The following KCNH6 variants were observed in gnomAD, a reference collection of about 807,000 sequenced individuals.
The protein encoded by KCNH6 is potassium voltage-gated channel subfamily H member 6, also known as voltage-gated inwardly rectifying potassium channel KCNH6.
In KCNH6, 81 loss-of-function variants were observed where a neutral mutation model predicts 83.4. The ratio of observed to expected loss-of-function variants is 0.97; its 90% CI spans 0.81 to 1.17. The LOEUF (loss-of-function observed/expected upper bound fraction) is 1.17. KCNH6 is among the 50% of genes most tolerant of loss of function. The probability of loss-of-function intolerance (pLI) is 0.00; values close to 1 mark genes in which losing one functional copy is unlikely to be tolerated. For missense variants in KCNH6, 1,203 were observed against 1,290.5 expected (o/e 0.93, Z 1.04); for synonymous variants, 503 against 545.6 (o/e 0.92, Z 1.09).
chr17:63,534,635 G>A lies in KCNH6; in HGVS notation c.1101+324G>A, dbSNP rs112220747. Among the ~76,000 whole-genome samples the A allele has an allele frequency of 5.2e-3, 786 of 152,150 alleles. 7 individuals are homozygous for A. Among genetic ancestry groups the A allele is most frequent in the African/African-American group, 0.018 (756 of 41,488 alleles). On this transcript the variant is annotated intron_variant, in intron 5 of 12. Coordinates refer to ENST00000314672, the MANE Select transcript of KCNH6 (RefSeq NM_001278919.2). The surrounding 1 kb of genome is among the most constrained non-coding windows in gnomAD (Gnocchi z 5.0). ...ACTTCCAAACTGCACTCACCCTGGA[G>A]GAAGAAAGGGATCCCCAGGCCACTC...
At position 63,538,793 on chromosome 17, in the gene KCNH6, T is replaced by A; in HGVS notation, c.1954+131T>A. 3 of 961,792 alleles carry A rather than the reference T, an allele frequency of 3.1e-6. No homozygotes were observed. The highest frequency in any genetic ancestry group is 4.5e-6 in the Non-Finnish European group (3 of 659,920). The allele number at this position is 961,792 out of a possible 1,614,324, so 59.6% of individuals were successfully genotyped here. On this transcript the variant is annotated intron_variant, in intron 8 of 12. Transcript: ENST00000314672. This position sits in a 1 kb window ranked among gnomAD's most constrained non-coding sequence, Gnocchi z 4.0. ...TTTACTGGCAGCCACTTGCACAGCA[T>A]GTGCCCGGGAGAGCTTTAGACCCAG...
intron 4 of KCNH6, among the ~76,000 whole-genome samples, chr17:63,531,961 A>G (rs1317317783): frequency 6.6e-6 from 1 of 152,192 alleles, no homozygotes; most frequent in African/African-American, 2.4e-5. Context: ...AGATCAGGGA[A>G]GTCACATCGG....
Position 63,544,281 on chromosome 17 carries a change from T to C in KCNH6, c.2266T>C (p.Ser756Pro). Residue 756 changes from serine (S) to proline (P), a missense_variant, in exon 11 of 13, where the codon TCT becomes CCT. By Grantham distance (74) the Ser-to-Pro change is moderately conservative. Coordinates refer to ENST00000314672, the MANE Select transcript of KCNH6 (RefSeq NM_001278919.2). Reference protein sequence around the residue: ...AAPPLSISDASGLWPELLQEM... With the variant: ...AAPPLSISDAPGLWPELLQEM... The stretch of plus-strand genomic sequence containing the variant: ...CCCTCCCCTGAGCATCTCAGATGCA[T>C]CTGGCCTCTGGCCTGAGCTACTGCA... The C allele has an allele frequency of 1.9e-6, 3 of 1,604,078 alleles. No individual in the cohort carries two copies. Among genetic ancestry groups the C allele is most frequent in the Non-Finnish European group, 2.6e-6 (3 of 1,175,104 alleles).
intron 8 of KCNH6, among the ~76,000 whole-genome samples, chr17:63,541,311 T>C: frequency 7.5e-6 from 1 of 133,890 alleles, no homozygotes; most frequent in South Asian, 2.4e-4. Flanking sequence ...TTTTTTGAGA[T>C]GGAGTCTCGC....
rs775023443 is a variant in KCNH6, at chr17:63,530,432, G to T, written c.565G>T (p.Val189Leu). Residue 189 changes from valine (V) to leucine (L), a missense_variant, in exon 4 of 13, where the codon GTG becomes TTG. Transcript: ENST00000314672. The stretch of plus-strand genomic sequence containing the variant: ...GATCCCACAGTTCACGCTCAACTTC[G>T]TGGAGTTCAACTTGGAGAAGCACCG... ...SQIPQFTLNF[V>L]EFNLEKHRSS... is the part of the protein sequence containing the mutation. 1.1e-5 allele frequency: 17 copies of T among 1,614,110 alleles called. No homozygotes were observed. Among genetic ancestry groups the T allele is most frequent in the Non-Finnish European group, 1.2e-5 (14 of 1,180,052 alleles).
downstream of KCNH6, among the ~76,000 whole-genome samples, chr17:63,548,638 T>C (rs2033192676): frequency 6.6e-6 from 1 of 152,250 alleles, no homozygotes; most frequent in Non-Finnish European, 1.5e-5. Flanking sequence ...ACTAAAATTT[T>C]ATTGGAAATA....
At chr17:63,527,925 A>C (rs9914151) in intron 2 of KCNH6, among the ~76,000 whole-genome samples, 57,361 of 151,988 alleles carry the variant, frequency 0.38, 11,144 homozygotes, top group Middle Eastern at 0.51. Context: ...CCAGCCCCAG[A>C]CCTCACTGCT....
chr17:63,531,818 C>T (rs1187347046), intron 4 of KCNH6, among the ~76,000 whole-genome samples: 2 of 152,166 alleles, frequency 1.3e-5, no homozygotes, highest in Non-Finnish European at 2.9e-5. Context: ...CCCATAGTCC[C>T]GGCACCTGCC....
intron 8 of KCNH6, among the ~76,000 whole-genome samples, chr17:63,540,771 T>C (rs1459023059): frequency 6.6e-6 from 1 of 152,334 alleles, no homozygotes; most frequent in East Asian, 1.9e-4. Context: ...CCACTTGCAC[T>C]AACAAGTGGA....
chr17:63,545,126 C>T lies in KCNH6; in HGVS notation c.2445C>T (p.Leu815=). 1 of 1,613,792 alleles carries T rather than the reference C, an allele frequency of 6.2e-7. No individual in the cohort carries two copies. The highest frequency in any genetic ancestry group is 8.5e-7 in the Non-Finnish European group (1 of 1,180,016). ...ACCTCAGCCGCATCTTGCAGCTCCT[C>T]CAGAAGCCCATGCCCCAGGGCCACG... ...SSDLSRILQL[L]QKPMPQGHAS... is the part of the protein sequence containing the mutation. The change falls in exon 12 of 13, where the codon CTC becomes CTT. Residue 815 remains leucine, a synonymous_variant. Transcript: ENST00000314672.
downstream of KCNH6, among the ~76,000 whole-genome samples, chr17:63,548,462 C>T (rs1413349049): frequency 6.6e-6 from 1 of 152,080 alleles, no homozygotes; most frequent in African/African-American, 2.4e-5. Flanking sequence ...CCCACTGCAC[C>T]ACCACCTGGA....
chr17:63,542,369 G>A lies in KCNH6; in HGVS notation c.2083G>A (p.Asp695Asn), dbSNP rs138893137. 144 of 1,614,210 alleles carry A rather than the reference G, an allele frequency of 8.9e-5. No individual in the cohort carries two copies. In the African/African-American group the frequency reaches 1.8e-3, roughly 20 times the overall value. The change falls in exon 9 of 13, where the codon GAC becomes AAC. Residue 695 changes from aspartate (D) to asparagine (N), a missense_variant. Asp to Asn is a conservative substitution (Grantham distance 23). Coordinates refer to ENST00000314672, the MANE Select transcript of KCNH6 (RefSeq NM_001278919.2). ...GCGGGCAGATCTGCTGGAGGTGCTG[G>A]ACATGTACCCGGCCTTTGCGGAGAG... The part of the protein sequence containing the change: ...IQRADLLEVL[D>N]MYPAFAESFW...
Position 63,523,792 on chromosome 17 carries a change from C to T in KCNH6, c.76+303C>T, listed in dbSNP as rs1308378790. ...CAGCCACTGCCTGCCCCCTCATCCGCGTCCTCCAGAGGCTTCTCTGAGTCC... is the reference window on the plus strand; with the variant it reads ...CAGCCACTGCCTGCCCCCTCATCCGTGTCCTCCAGAGGCTTCTCTGAGTCC... On this transcript the variant is annotated intron_variant, in intron 1 of 12. Transcript: ENST00000314672. The surrounding 1 kb of genome is among the most constrained non-coding windows in gnomAD (Gnocchi z 4.2). Among the ~76,000 whole-genome samples the T allele has an allele frequency of 6.6e-6, 1 of 152,108 alleles. No homozygotes were observed. Among genetic ancestry groups the T allele is most frequent in the African/African-American group, 2.4e-5 (1 of 41,400 alleles).
chr17:63,528,074 T>C (rs2031835199), intron 2 of KCNH6, among the ~76,000 whole-genome samples: 1 of 152,242 alleles, frequency 6.6e-6, no homozygotes, highest in South Asian at 2.1e-4. Context: ...CCTGGAGGCC[T>C]TCTGCCCCTC....
intron 10 of KCNH6, chr17:63,543,915 C>A: frequency 1.4e-6 from 1 of 703,490 alleles, no homozygotes; most frequent in Non-Finnish European, 2.4e-6. Context: ...TGGAGACTAG[C>A]CAGCCCCCTG....
At position 63,546,660 on chromosome 17, in the gene KCNH6, T is replaced by G. The variant is rs2033155075; in HGVS notation, c.*758T>G. The G allele has an allele frequency of 6.6e-6, 1 of 152,288 alleles. No homozygotes were observed. The highest frequency in any genetic ancestry group is 2.1e-4 in the South Asian group (1 of 4,838). 9.4% of individuals were successfully genotyped at this position (152,288 alleles called of 1,614,324 possible). On this transcript the variant is annotated 3_prime_UTR_variant, in exon 13 of 13. Transcript: ENST00000314672. The stretch of plus-strand genomic sequence containing the variant: ...TCCAGCCCTCTGCTCCTGATGGTTC[T>G]GTGACATTGGGTCTCTTGAGGGCAG...
In KCNH6 at chr17:63,524,049, T is replaced by A. The variant is rs2031522674; in HGVS notation, c.77-90T>A. ...CCCTGCTCCTCTGCCTAAATTCCCCTTACTGCCACCAAGAGTCCTTATGAT... is the reference window on the plus strand; with the variant it reads ...CCCTGCTCCTCTGCCTAAATTCCCCATACTGCCACCAAGAGTCCTTATGAT... On this transcript the variant is annotated intron_variant, in intron 1 of 12. Transcript: ENST00000314672. 3 of 896,644 alleles carry A rather than the reference T, an allele frequency of 3.3e-6. No individual in the cohort carries two copies. In the Admixed American group the frequency reaches 5.2e-5, roughly 15 times the overall value. 55.5% of individuals were successfully genotyped at this position (896,644 alleles called of 1,614,324 possible).
chr17:63,536,765 A>C (rs1310616320), intron 6 of KCNH6, among the ~76,000 whole-genome samples: 1 of 150,830 alleles, frequency 6.6e-6, no homozygotes, highest in Non-Finnish European at 1.5e-5. Context: ...GACCAGCCTG[A>C]CCAACATGGT....
At chr17:63,527,595 A>C (rs1350075663) in intron 2 of KCNH6, among the ~76,000 whole-genome samples, 4 of 152,172 alleles carry the variant, frequency 2.6e-5, no homozygotes, top group Admixed American at 2.0e-4. Context: ...CCTTGGTCAG[A>C]AAGGTGGGTG....
Sources: gnomAD v4.1 joint callset for allele counts (sites outside exome capture counted in the v4.1 genomes callset) on GRCh38, gnomAD v4.1.1 for gene constraint, Gnocchi (gnomAD v3.1) non-coding constraint, MANE v1.5 for transcripts, NCBI Gene and HGNC (gene_info 2026-07-23, HGNC 2026-07-21) for gene names.